TMEM154: variants seen among roughly 807,000 people sequenced by gnomAD.
TMEM154 encodes the protein transmembrane protein 154.
A neutral mutation model predicts 24.5 loss-of-function variants in TMEM154; 27 were observed. That is an observed-to-expected ratio of 1.10 (90% CI 0.81 to 1.52). The LOEUF (loss-of-function observed/expected upper bound fraction) is 1.52. TMEM154 is among the 40% of genes most tolerant of loss of function. The pLI is 0.00. For synonymous variants in TMEM154, 67 were observed against 76.8 expected, an observed-to-expected ratio of 0.87 and a Z score of 0.67; for missense variants, 228 against 213.4, an observed-to-expected ratio of 1.07 and a Z score of -0.43.
chr4:152,652,777 T>C lies in TMEM154; in HGVS notation c.215A>G (p.Asn72Ser). The C allele has an allele frequency of 6.2e-7, 1 of 1,614,082 alleles. No homozygotes were observed. Among genetic ancestry groups the C allele is most frequent in the Non-Finnish European group, 8.5e-7 (1 of 1,179,990 alleles). The change falls in exon 2 of 7, where the codon AAT becomes AGT. Residue 72 changes from asparagine (N) to serine (S), a missense_variant. Coordinates refer to ENST00000304385, the MANE Select transcript of TMEM154 (RefSeq NM_152680.3). Reference protein sequence around the residue: ...INSTNFAPDENQLEFILMVLI... With the variant: ...INSTNFAPDESQLEFILMVLI... ...CACCATCAGTATAAACTCTAACTGA[T>C]TTTCATCCGGAGCAAAGTTGGTAGA...
In TMEM154 at chr4:152,622,031, T is replaced by G. The variant is rs1040079788; in HGVS notation, c.*6515A>C. 1 of 152,142 alleles carries G rather than the reference T, an allele frequency of 6.6e-6. No individual in the cohort carries two copies. Among genetic ancestry groups the G allele is most frequent in the African/African-American group, 2.4e-5 (1 of 41,408 alleles). The allele number at this position is 152,142 out of a possible 1,614,324, so 9.4% of individuals were successfully genotyped here. A position where few individuals can be genotyped will look rare whatever the true frequency, so the allele number is the denominator to read the frequency against. On this transcript the variant is annotated 3_prime_UTR_variant, in exon 7 of 7. Coordinates refer to ENST00000304385, the MANE Select transcript of TMEM154 (RefSeq NM_152680.3). Reference sequence around the variant, plus strand: ...CAGGGTTTCACCATATTGGTCAGACTGGTCTCGAACTCCTGACCTCAGGTG... The same window carrying G: ...CAGGGTTTCACCATATTGGTCAGACGGGTCTCGAACTCCTGACCTCAGGTG...
chr4:152,664,198 A>C (rs1403295350), intron 1 of TMEM154, among the ~76,000 whole-genome samples: 1 of 152,230 alleles, frequency 6.6e-6, no homozygotes, highest in Non-Finnish European at 1.5e-5. Flanking sequence ...GCAACCATAA[A>C]AAAGAATGAG....
intron 1 of TMEM154, among the ~76,000 whole-genome samples, chr4:152,672,113 A>C (rs1350031971): frequency 4.0e-5 from 6 of 151,176 alleles, no homozygotes; most frequent in African/African-American, 1.5e-4. Context: ...AAAAAAAAGC[A>C]AAAATTAGCC....
At chr4:152,657,333 G>A (rs1310443687) in intron 1 of TMEM154, among the ~76,000 whole-genome samples, 1 of 151,590 alleles carries the variant, frequency 6.6e-6, no homozygotes, top group African/African-American at 2.4e-5. Context: ...GGGCAACATG[G>A]CAAAACTCCA....
chr4:152,677,973 C>CA (rs764377418), intron 1 of TMEM154, among the ~76,000 whole-genome samples: 1 of 152,104 alleles, frequency 6.6e-6, no homozygotes, highest in Admixed American at 6.5e-5. Flanking sequence ...TTAGGTCTAT[C>CA]GGGGCACAGC....
Position 152,628,606 on chromosome 4 carries a change from C to T in TMEM154, c.537-45G>A, listed in dbSNP as rs746627753. 2.4e-5 allele frequency: 28 copies of T among 1,152,662 alleles called. 1 individual carries two copies. Among genetic ancestry groups the T allele is most frequent in the Non-Finnish European group, 3.1e-5 (27 of 882,478 alleles). The allele number at this position is 1,152,662 out of a possible 1,614,324, so 71.4% of individuals were successfully genotyped here. A position where few individuals can be genotyped will look rare whatever the true frequency, so the allele number is the denominator to read the frequency against. ...AAAAAAAAAAAACAAAAAAAACACA[C>T]ACACACACACAAAACAGTAATATAT... On this transcript the variant is annotated intron_variant, in intron 6 of 6. Transcript: ENST00000304385.
At chr4:152,640,893 AT>A in intron 6 of TMEM154, 34 bp downstream of exon 6, 20 of 694,106 alleles carry the variant, frequency 2.9e-5, no homozygotes, top group Non-Finnish European at 4.5e-5. Context: ...GCCCCCCGCC[AT>A]ATACATGTAA....
rs2149775795 is a variant in TMEM154, at chr4:152,625,699, A to G, written c.*2847T>C. 6.6e-6 allele frequency: 1 copy of G among 151,672 alleles called. No homozygotes were observed. The highest frequency in any genetic ancestry group is 1.9e-4 in the East Asian group (1 of 5,148). The allele number at this position is 151,672 out of a possible 1,614,324, so 9.4% of individuals were successfully genotyped here. Reference sequence around the variant, plus strand: ...ACTCCATCTCAAAAAAAAAAAAAAAAAGTCAGGTGAGAAGAAGTAGCACAT... The same window carrying G: ...ACTCCATCTCAAAAAAAAAAAAAAAGAGTCAGGTGAGAAGAAGTAGCACAT... On this transcript the variant is annotated 3_prime_UTR_variant, in exon 7 of 7. Coordinates refer to ENST00000304385, the MANE Select transcript of TMEM154 (RefSeq NM_152680.3).
chr4:152,630,268 T>A lies in TMEM154; in HGVS notation c.537-1707A>T, dbSNP rs553874620. Among the ~76,000 whole-genome samples, 4 of 128,038 alleles carry A rather than the reference T, an allele frequency of 3.1e-5. No individual in the cohort carries two copies. The Admixed American group carries it at 3.9e-4, about 12-fold the overall frequency. 84.0% of individuals were successfully genotyped at this position (128,038 alleles called of 152,430 possible). The stretch of plus-strand genomic sequence containing the variant: ...TCGAGGCTGTAGTGAGCTGTGATTG[T>A]GCCACTGCACTCCAGCCTGGGTAAG... On this transcript the variant is annotated intron_variant, in intron 6 of 6. Coordinates refer to ENST00000304385, the MANE Select transcript of TMEM154 (RefSeq NM_152680.3).
intron 1 of TMEM154, among the ~76,000 whole-genome samples, chr4:152,657,512 TAAAAAG>T (rs1383355037): frequency 6.6e-5 from 10 of 151,964 alleles, no homozygotes. Context: ...AGATCCTGCC[TAAAAAG>T]AAAAAGAAAA....
At chr4:152,678,796 G>T (rs143501396) in intron 1 of TMEM154, among the ~76,000 whole-genome samples, 1,558 of 152,336 alleles carry the variant, frequency 0.01, 93 homozygotes, top group Admixed American at 0.088. Context: ...CAGCTGGAAT[G>T]ATTTGCCTTC....
At position 152,640,964 on chromosome 4, in the gene TMEM154, G is replaced by T. The variant is rs564409103; in HGVS notation, c.500C>A (p.Thr167Asn). Residue 167 changes from threonine (T) to asparagine (N), a missense_variant, in exon 6 of 7, where the codon ACC becomes AAC. By Grantham distance (65) the Thr-to-Asn change is moderately conservative. Transcript: ENST00000304385. Reference protein sequence around the residue: ...NRNADFECLPTLKEEKESNHN... With the variant: ...NRNADFECLPNLKEEKESNHN... ...ATTTGATTCCTTCTCTTCCTTCAAGGTAGGTAAACATTCAAAGTCGGCTAG... is the reference window on the plus strand; with the variant it reads ...ATTTGATTCCTTCTCTTCCTTCAAGTTAGGTAAACATTCAAAGTCGGCTAG... 5.0e-5 allele frequency: 81 copies of T among 1,610,072 alleles called. No homozygotes were observed. The South Asian group carries it at 8.8e-4, about 17-fold the overall frequency.
At chr4:152,632,564 G>A (rs1168750860) in intron 6 of TMEM154, among the ~76,000 whole-genome samples, 1 of 152,152 alleles carries the variant, frequency 6.6e-6, no homozygotes, top group African/African-American at 2.4e-5. Flanking sequence ...TTTTTACATG[G>A]TTGAGTCTTT....
intron 1 of TMEM154, among the ~76,000 whole-genome samples, chr4:152,678,196 G>A (rs1252521748): frequency 6.6e-6 from 1 of 152,118 alleles, no homozygotes; most frequent in East Asian, 1.9e-4. Flanking sequence ...GGGCAAAAAT[G>A]AGGAACAAGT....
At chr4:152,656,730 T>C (rs1728499115) in intron 1 of TMEM154, among the ~76,000 whole-genome samples, 1 of 152,038 alleles carries the variant, frequency 6.6e-6, no homozygotes, top group African/African-American at 2.4e-5. Context: ...AAGACCAGCC[T>C]GACCAACATG....
At chr4:152,679,373 T>C (rs368574917) in intron 1 of TMEM154, among the ~76,000 whole-genome samples, 18 of 151,520 alleles carry the variant, frequency 1.2e-4, no homozygotes, top group African/African-American at 4.4e-4. Flanking sequence ...ATTTCCCGTT[T>C]CCTTTTTTTT....
intron 3 of TMEM154, among the ~76,000 whole-genome samples, chr4:152,651,683 T>C (rs1384634699): frequency 6.6e-6 from 1 of 152,240 alleles, no homozygotes; most frequent in Admixed American, 6.5e-5. Flanking sequence ...ACAATAATAC[T>C]GCTTTGCTTT....
chr4:152,644,458 C>A lies in TMEM154; in HGVS notation c.365-16G>T. Reference sequence around the variant, plus strand: ...CCCAGTTCATCTAAAAGGAAATGAACATAAAGGTCATGTTAGCTTTGTTCT... The same window carrying A: ...CCCAGTTCATCTAAAAGGAAATGAAAATAAAGGTCATGTTAGCTTTGTTCT... On this transcript the variant is annotated splice_polypyrimidine_tract_variant and intron_variant, in intron 3 of 6. Transcript: ENST00000304385. 1 of 1,613,792 alleles carries A rather than the reference C, an allele frequency of 6.2e-7. No individual in the cohort carries two copies. Among genetic ancestry groups the A allele is most frequent in the Non-Finnish European group, 8.5e-7 (1 of 1,179,716 alleles).
chr4:152,678,560 G>GT (rs1034275507), intron 1 of TMEM154, among the ~76,000 whole-genome samples: 5 of 146,244 alleles, frequency 3.4e-5, no homozygotes, highest in Middle Eastern at 3.6e-3. Context: ...GTGGTGGGGG[G>GT]TGGAGGAGCT....
Sources: allele counts gnomAD v4.1 joint callset (sites outside exome capture counted in the v4.1 genomes callset), GRCh38; gene constraint gnomAD v4.1.1; transcripts MANE v1.5; gene names NCBI Gene and HGNC (gene_info 2026-07-23, HGNC 2026-07-21).